The following USP42 variants were observed in gnomAD, a reference collection of about 807,000 sequenced individuals.
USP42 encodes the protein ubiquitin carboxyl-terminal hydrolase 42.
A neutral mutation model predicts 113.0 loss-of-function variants in USP42; 23 were observed. That is an observed-to-expected ratio of 0.20 (90% CI 0.15 to 0.29). The LOEUF is 0.29. USP42 is among the 10% of genes least tolerant of loss of function. The pLI is 1.00. For missense variants in USP42, 2,174 were observed against 1,779.8 expected, an observed-to-expected ratio of 1.22 and a Z score of -3.99; for synonymous variants, 933 against 699.0, an observed-to-expected ratio of 1.33 and a Z score of -5.28.
Position 6,135,830 on chromosome 7 carries a change from C to CTT in USP42, c.443-10_443-9insTT, listed in dbSNP as rs981419701. 1.3e-6 allele frequency: 2 copies of CTT among 1,568,580 alleles called. No individual in the cohort carries two copies. Among genetic ancestry groups the CTT allele is most frequent in the African/African-American group, 2.7e-5 (2 of 73,104 alleles). ...TTTTGCTAATTTGGAGGATTATCAT[C>CTT]TATCTTTCAGGTCATGCAGAAGGCT... On this transcript the variant is annotated splice_polypyrimidine_tract_variant and intron_variant, in intron 3 of 17. Coordinates refer to ENST00000306177, the MANE Select transcript of USP42 (RefSeq NM_032172.3).
chr7:6,154,071 C>CGCGGAGGGCCCGCGGGACTCGGCGTTG lies in USP42; in HGVS notation c.2523_2549dup (p.Gly842_Glu850dup). ...TGTCCCAGGACGCAAAGGGGATGAT[C>CGCGGAGGGCCCGCGGGACTCGGCGTTG]GCGGAGGGCCCGCGGGACTCGGCGT... On this transcript the variant is annotated inframe_insertion, in exon 15 of 18. Coordinates refer to ENST00000306177, the MANE Select transcript of USP42 (RefSeq NM_032172.3). 1 of 1,606,022 alleles carries CGCGGAGGGCCCGCGGGACTCGGCGTTG rather than the reference C, an allele frequency of 6.2e-7. No individual in the cohort carries two copies. Among genetic ancestry groups the CGCGGAGGGCCCGCGGGACTCGGCGTTG allele is most frequent in the Non-Finnish European group, 8.5e-7 (1 of 1,179,252 alleles).
rs558369987 is a variant in USP42, at chr7:6,126,667, G to A, written c.443-9174G>A. 1.6e-4 allele frequency among the ~76,000 whole-genome samples: 24 copies of A among 152,256 alleles called. No homozygotes were observed. In the South Asian group the frequency reaches 4.6e-3, roughly 29 times the overall value. On this transcript the variant is annotated intron_variant, in intron 3 of 17. Coordinates refer to ENST00000306177, the MANE Select transcript of USP42 (RefSeq NM_032172.3). ...GTTTTGGGATATCGTGAGTGGAGCT[G>A]CGGTAAACACATCTAGGTTGTTTCT...
chr7:6,152,672 G>T (rs1258414291), intron 14 of USP42, among the ~76,000 whole-genome samples: 1 of 152,228 alleles, frequency 6.6e-6, no homozygotes, highest in African/African-American at 2.4e-5. Context: ...GCCAGGTAGC[G>T]TGAGGGTGAG....
chr7:6,114,818 G>C (rs1779824370), intron 2 of USP42, among the ~76,000 whole-genome samples: 1 of 146,972 alleles, frequency 6.8e-6, no homozygotes. Flanking sequence ...AGCCTCCCTA[G>C]TAGCTAGGAC....
In USP42 at chr7:6,155,180, G is replaced by A. The variant is rs1462963787; in HGVS notation, c.3626G>A (p.Arg1209Gln). Reference sequence around the variant, plus strand: ...AAAAAGAAATCCAAAGACAAACACCGAGACCGCGACTCCAGGTGAGCCTGG... The same window carrying A: ...AAAAAGAAATCCAAAGACAAACACCAAGACCGCGACTCCAGGTGAGCCTGG... ...KKKKKSKDKH[R>Q]DRDSRHQQDS... Residue 1209 changes from arginine to glutamine, a missense_variant, in exon 15 of 18, where the codon CGA becomes CAA. Transcript: ENST00000306177. The A allele has an allele frequency of 8.5e-6, 13 of 1,533,710 alleles. No homozygotes were observed. The highest frequency in any genetic ancestry group is 9.6e-6 in the Non-Finnish European group (11 of 1,144,952).
the USP42 span, among the ~76,000 whole-genome samples, chr7:6,089,702 T>G: frequency 1.3e-3 from 200 of 150,296 alleles, 17 homozygotes; most frequent in African/African-American, 4.2e-3. Context: ...CTGGCTAATT[T>G]TTTTGTATTT....
At chr7:6,093,047 C>G in the USP42 span, 4 of 150,602 alleles carry the variant, frequency 2.7e-5, no homozygotes, top group East Asian at 1.9e-4. Context: ...GTGACTGAGT[C>G]TCCGTGTGGG....
Position 6,111,209 on chromosome 7 carries a change from G to T in USP42, c.76G>T (p.Val26Phe). 1.9e-6 allele frequency: 3 copies of T among 1,611,262 alleles called. No individual in the cohort carries two copies. The highest frequency in any genetic ancestry group is 2.5e-6 in the Non-Finnish European group (3 of 1,178,554). The change falls in exon 2 of 18, where the codon GTC (valine) becomes TTC (phenylalanine). Residue 26 changes from valine to phenylalanine, a missense_variant. Val to Phe is a conservative substitution (Grantham distance 50). Coordinates refer to ENST00000306177, the MANE Select transcript of USP42 (RefSeq NM_032172.3). ...GAATCAGCCTGGCAGCTCCGAGGCA[G>T]TCTCACCTGGAGACATGGATGCAGG... ...YQNQPGSSEAVSPGDMDAGSA... is the reference protein window; with the variant it reads ...YQNQPGSSEAFSPGDMDAGSA...
chr7:6,146,513 A>T (rs1249467637), intron 11 of USP42, among the ~76,000 whole-genome samples: 1 of 151,960 alleles, frequency 6.6e-6, no homozygotes, highest in Non-Finnish European at 1.5e-5. Flanking sequence ...AATACGAAAA[A>T]ATTAGCCAGG....
Position 6,154,467 on chromosome 7 carries a change from C to CAAG in USP42, c.2915_2917dup (p.Lys972dup), listed in dbSNP as rs747042880. ...GGGAGCCCGCCAGAGAGAGCAGGAGCAAGACTGAGGGCCACCGTCACCGGC... is the reference window on the plus strand; with the variant it reads ...GGGAGCCCGCCAGAGAGAGCAGGAGCAAGAAGACTGAGGGCCACCGTCACCGGC... On this transcript the variant is annotated inframe_insertion, in exon 15 of 18. Transcript: ENST00000306177. 1.3e-5 allele frequency: 20 copies of CAAG among 1,560,810 alleles called. No homozygotes were observed. The African/African-American group carries it at 2.4e-4, about 19-fold the overall frequency.
At chr7:6,120,072 C>G (rs1340259852) in intron 3 of USP42, among the ~76,000 whole-genome samples, 5 of 152,186 alleles carry the variant, frequency 3.3e-5, no homozygotes, top group African/African-American at 4.8e-5. Context: ...TCACGCCATT[C>G]TTCTGCCTCA....
chr7:6,111,530 C>A (rs635515), intron 2 of USP42, among the ~76,000 whole-genome samples, 156 bp downstream of exon 2: 6,051 of 152,078 alleles, frequency 0.04, 149 homozygotes, highest in Non-Finnish European at 0.063. Context: ...TTTCCTGTTA[C>A]TTGTTCGTCA....
the USP42 span, among the ~76,000 whole-genome samples, chr7:6,095,674 C>CAAAA: frequency 4.7e-5 from 7 of 150,122 alleles, no homozygotes; most frequent in Non-Finnish European, 1.0e-4. Context: ...GTCTAAAAAA[C>CAAAA]AAAAAAAATG....
rs1394866156 is a variant in USP42, at chr7:6,154,844, A to G, written c.3290A>G (p.Asn1097Ser). ...CACGAGCGGCCGCACAAGGACCACA[A>G]CCGGGGCCGTAGGGGCTGCGAGCCG... ...GLHERPHKDHNRGRRGCEPAR... is the reference protein window; with the variant it reads ...GLHERPHKDHSRGRRGCEPAR... Residue 1097 changes from asparagine to serine, a missense_variant, in exon 15 of 18, where the codon AAC becomes AGC. By Grantham distance (46) the Asn-to-Ser change is conservative. Transcript: ENST00000306177. The G allele has an allele frequency of 3.3e-6, 5 of 1,536,760 alleles. No individual in the cohort carries two copies. Among genetic ancestry groups the G allele is most frequent in the African/African-American group, 1.4e-5 (1 of 72,192 alleles).
At chr7:6,104,516 C>A (rs892229980), upstream of USP42, among the ~76,000 whole-genome samples, 10 of 152,282 alleles carry the variant, frequency 6.6e-5, no homozygotes, top group African/African-American at 2.4e-4. Flanking sequence ...GGACGGGGAT[C>A]CCAGACTCCT....
chr7:6,140,425 G>C (rs753912389), intron 6 of USP42, among the ~76,000 whole-genome samples: 1 of 152,154 alleles, frequency 6.6e-6, no homozygotes, highest in Non-Finnish European at 1.5e-5. Context: ...GCTTCCATTT[G>C]TCTCTTCGTA....
rs187396966 is a variant in USP42, at chr7:6,149,624, G to A, written c.1428G>A (p.Thr476=). The A allele has an allele frequency of 1.2e-5, 19 of 1,613,898 alleles. No individual in the cohort carries two copies. The highest frequency in any genetic ancestry group is 9.3e-5 in the African/African-American group (7 of 75,018). Residue 476 remains threonine, a synonymous_variant, in exon 13 of 18, where the codon ACG becomes ACA. Transcript: ENST00000306177. The stretch of plus-strand genomic sequence containing the variant: ...ATGGGACTGGACCATTGAAAGACAC[G>A]CCAAGCAGTTCCATGTCGAGTCCTA... The part of the protein sequence containing the change: ...HLNGTGPLKD[T]PSSSMSSPNG...
chr7:6,156,069 G>T (rs1246928461), intron 15 of USP42, among the ~76,000 whole-genome samples: 1 of 152,182 alleles, frequency 6.6e-6, no homozygotes, highest in Non-Finnish European at 1.5e-5. Context: ...AAGCTAAATT[G>T]GTTGGTGATT....
Position 6,139,058 on chromosome 7 carries a change from A to G in USP42, c.554-34A>G, listed in dbSNP as rs1781310685. 1.4e-6 allele frequency: 2 copies of G among 1,444,154 alleles called. No individual in the cohort carries two copies. The highest frequency in any genetic ancestry group is 2.3e-5 in the East Asian group (1 of 42,762). The allele number at this position is 1,444,154 out of a possible 1,614,324, so 89.5% of individuals were successfully genotyped here. ...GTACAACTTAGGCTTATTACGTGTAATGATAAAGCCTTGTCTTTACCGAAA... is the reference window on the plus strand; with the variant it reads ...GTACAACTTAGGCTTATTACGTGTAGTGATAAAGCCTTGTCTTTACCGAAA... On this transcript the variant is annotated intron_variant, in intron 4 of 17. Transcript: ENST00000306177. The surrounding 1 kb of genome is among the most constrained non-coding windows in gnomAD (Gnocchi z 4.5).
Sources: gnomAD v4.1 joint callset for allele counts (sites outside exome capture counted in the v4.1 genomes callset) on GRCh38, gnomAD v4.1.1 for gene constraint, Gnocchi (gnomAD v3.1) non-coding constraint, MANE v1.5 for transcripts, NCBI Gene and HGNC (gene_info 2026-07-23, HGNC 2026-07-21) for gene names.